NDST4: variants seen among roughly 807,000 people sequenced by gnomAD.
NDST4 encodes N-heparan sulfate sulfotransferase 4.
A neutral mutation model predicts 100.8 loss-of-function variants in NDST4; 63 were observed. The observed-to-expected ratio is 0.62, with a 90% confidence interval of 0.51 to 0.77. The LOEUF (loss-of-function observed/expected upper bound fraction) is 0.77. Among genes scored for constraint, NDST4 ranks in the 30% least tolerant of loss-of-function variants. The pLI is 0.00. For missense variants in NDST4, 943 were observed against 1,018.4 expected (o/e 0.93, Z 1.01); for synonymous variants, 377 against 361.8 (o/e 1.04, Z -0.48).
intron 2 of NDST4, among the ~76,000 whole-genome samples, chr4:115,027,686 C>T (rs28680952): frequency 0.054 from 8,244 of 152,114 alleles, 735 homozygotes; most frequent in African/African-American, 0.19. Context: ...TTTTGGTATC[C>T]TGTTGGAAAC....
intron 4 of NDST4, among the ~76,000 whole-genome samples, chr4:114,965,873 G>A (rs1302815323): frequency 1.3e-5 from 2 of 151,920 alleles, no homozygotes; most frequent in Non-Finnish European, 2.9e-5. Context: ...TTGGGAATAA[G>A]TTTTGGTAAT....
chr4:115,025,344 G>A (rs1727960624), intron 2 of NDST4, among the ~76,000 whole-genome samples: 1 of 152,086 alleles, frequency 6.6e-6, no homozygotes, highest in African/African-American at 2.4e-5. Flanking sequence ...TATGCTACTC[G>A]GATTTGACAA....
At chr4:115,087,109 C>A (rs1053330748) in intron 1 of NDST4, among the ~76,000 whole-genome samples, 5 of 152,016 alleles carry the variant, frequency 3.3e-5, no homozygotes, top group Non-Finnish European at 7.4e-5. Context: ...ATGCTTAGAT[C>A]TGCCCCAGGG....
intron 2 of NDST4, among the ~76,000 whole-genome samples, chr4:115,049,895 G>T (rs1269241424): frequency 2.0e-5 from 3 of 152,114 alleles, no homozygotes; most frequent in African/African-American, 7.2e-5. Flanking sequence ...TAGTTTTGCA[G>T]AAGGCCTTAT....
intron 2 of NDST4, among the ~76,000 whole-genome samples, chr4:114,990,710 A>C (rs1727018324): frequency 6.6e-6 from 1 of 152,124 alleles, no homozygotes; most frequent in African/African-American, 2.4e-5. Context: ...AACACATCAC[A>C]CATTTACATA....
In NDST4 at chr4:115,076,512, T is replaced by C. The variant is rs1729186642; in HGVS notation, c.525A>G (p.Thr175=). The C allele has an allele frequency of 2.5e-6, 4 of 1,614,018 alleles. No individual in the cohort carries two copies. Among genetic ancestry groups the C allele is most frequent in the Non-Finnish European group, 3.4e-6 (4 of 1,179,950 alleles). The change falls in exon 2 of 14, where the codon ACA becomes ACG. Residue 175 remains threonine, a synonymous_variant. Transcript: ENST00000264363. The stretch of plus-strand genomic sequence containing the variant: ...GGTTTAACGGAAAGCCTTTTAATTG[T>C]GTACTTGGTAAGCTGTTCTCATTGG... ...HKANENSLPS[T]QLKGFPLNLF... is the part of the protein sequence containing the mutation.
chr4:115,090,095 T>C (rs962878819), intron 1 of NDST4, among the ~76,000 whole-genome samples: 1 of 151,862 alleles, frequency 6.6e-6, no homozygotes, highest in Admixed American at 6.6e-5. Flanking sequence ...ATGATAAATA[T>C]ATCATTTCTA....
At chr4:114,965,719 T>G (rs1726365281) in intron 4 of NDST4, among the ~76,000 whole-genome samples, 2 of 152,054 alleles carry the variant, frequency 1.3e-5, no homozygotes, top group South Asian at 4.1e-4. Context: ...TTGAAAACTT[T>G]AATGAGTTTA....
chr4:115,014,404 C>T (rs772523956), intron 2 of NDST4, among the ~76,000 whole-genome samples: 1 of 152,028 alleles, frequency 6.6e-6, no homozygotes, highest in Non-Finnish European at 1.5e-5. Flanking sequence ...AGTTCAGAGG[C>T]CTTCTACCTC....
chr4:114,839,382 G>T lies in NDST4; in HGVS notation c.2282C>A (p.Ser761Tyr), dbSNP rs751956600. 1.2e-6 allele frequency: 2 copies of T among 1,608,166 alleles called. No individual in the cohort carries two copies. The highest frequency in any genetic ancestry group is 2.2e-5 in the South Asian group (2 of 90,194). ...IERWLTYFAT[S>Y]QLLIIDGQQL... ...AAAGTAATTTCAGGACATTACCTGA[G>T]AAGTAGCAAAGTAAGTTAGCCATCT... The change falls in exon 11 of 14, where the codon TCT (serine) becomes TAT (tyrosine). Residue 761 changes from serine to tyrosine, a missense_variant. Around this residue, in one of 2 missense-constraint regions of NDST4, gnomAD observed 526 missense variants for 634.1 expected, o/e 0.83. Coordinates refer to ENST00000264363, the MANE Select transcript of NDST4 (RefSeq NM_022569.3).
chr4:115,073,641 A>G (rs1729123204), intron 2 of NDST4, among the ~76,000 whole-genome samples: 1 of 151,980 alleles, frequency 6.6e-6, no homozygotes, highest in Admixed American at 6.6e-5. Flanking sequence ...GTAAAATGGT[A>G]GTTCCCAGAG....
intron 13 of NDST4, among the ~76,000 whole-genome samples, chr4:114,828,481 T>C (rs1472958582): frequency 2.0e-5 from 3 of 152,178 alleles, no homozygotes. Context: ...TTCCAAAATA[T>C]TATAAGGTCT....
intron 11 of NDST4, among the ~76,000 whole-genome samples, chr4:114,836,971 C>G (rs931515773): frequency 2.0e-5 from 3 of 152,050 alleles, no homozygotes; most frequent in Admixed American, 2.0e-4. Context: ...CTCCATCAGG[C>G]CATTTAGGTT....
chr4:114,905,127 AT>A (rs112356263), intron 6 of NDST4, among the ~76,000 whole-genome samples: 210 of 150,770 alleles, frequency 1.4e-3, no homozygotes, highest in African/African-American at 4.6e-3. Context: ...CAGCATAAAA[AT>A]TCTTCCTTTT....
chr4:115,074,959 G>T (rs773502214), intron 2 of NDST4, among the ~76,000 whole-genome samples: 1 of 152,132 alleles, frequency 6.6e-6, no homozygotes, highest in Non-Finnish European at 1.5e-5. Context: ...ACAAGTAAAA[G>T]ATCAGGTGAG....
intron 6 of NDST4, among the ~76,000 whole-genome samples, chr4:114,895,717 T>C (rs1472851293): frequency 1.3e-5 from 2 of 152,130 alleles, no homozygotes; most frequent in African/African-American, 2.4e-5. Flanking sequence ...CTGATGAACA[T>C]TGATGTGAAA....
At chr4:114,845,756 T>C in intron 10 of NDST4, 67 bp downstream of exon 10, 5 of 1,427,418 alleles carry the variant, frequency 3.5e-6, no homozygotes, top group Non-Finnish European at 3.8e-6. Context: ...TCTATTCTGG[T>C]TATTTTTCAT....
rs200801455 is a variant in NDST4, at chr4:115,013,346, CATATATATAT to C, written c.979-36082_979-36073del. ...ATGTACTCCATAAAAATATAAATAC[CATATATATAT>C]ATATATATATATATACACACACATA... On this transcript the variant is annotated intron_variant, in intron 2 of 13. Transcript: ENST00000264363. Among the ~76,000 whole-genome samples the C allele has an allele frequency of 2.0e-3, 132 of 65,358 alleles. 4 individuals carry two copies. Among genetic ancestry groups the C allele is most frequent in the African/African-American group, 3.6e-3 (75 of 20,692 alleles). 42.9% of individuals were successfully genotyped at this position (65,358 alleles called of 152,430 possible). A position where few individuals can be genotyped will look rare whatever the true frequency, so the allele number is the denominator to read the frequency against.
intron 2 of NDST4, among the ~76,000 whole-genome samples, chr4:115,042,422 A>G (rs775229958): frequency 1.3e-5 from 2 of 152,120 alleles, no homozygotes; most frequent in Non-Finnish European, 2.9e-5. Flanking sequence ...GCTTTGCCTT[A>G]TCACATAGGT....
Sources: allele counts gnomAD v4.1 joint callset (sites outside exome capture counted in the v4.1 genomes callset), GRCh38; gene constraint gnomAD v4.1.1; regional missense constraint gnomAD v4.1.1; transcripts MANE v1.5; gene names NCBI Gene and HGNC (gene_info 2026-07-23, HGNC 2026-07-21).